The following CYP39A1 variants were observed in gnomAD, a reference collection of about 807,000 sequenced individuals.
The protein encoded by CYP39A1 is 24-hydroxycholesterol 7-alpha-hydroxylase.
CYP39A1 carries 49 observed loss-of-function variants against 58.1 expected under a neutral mutation model. The observed-to-expected ratio is 0.84, with a 90% CI of 0.67 to 1.07. The LOEUF (loss-of-function observed/expected upper bound fraction) is 1.07. CYP39A1 is among the 50% of genes least tolerant of loss of function. The pLI is 0.00. For missense variants in CYP39A1, 531 were observed against 539.4 expected (o/e 0.98, Z 0.16); for synonymous variants, 209 against 187.6 (o/e 1.11, Z -0.93).
chr6:46,550,032 ATT>A lies in CYP39A1; in HGVS notation c.*332_*333del. The A allele has an allele frequency of 5.3e-6, 1 of 187,132 alleles. No individual in the cohort carries two copies. The allele number at this position is 187,132 out of a possible 1,614,324, so 11.6% of individuals were successfully genotyped here. On this transcript the variant is annotated 3_prime_UTR_variant, in exon 12 of 12. Transcript: ENST00000275016. ...TTCACAGTGAATTTAATGTGATAAGATTTTCATTCAAATGACATTATTTCTAT... is the reference window on the plus strand; with the variant it reads ...TTCACAGTGAATTTAATGTGATAAGATTCATTCAAATGACATTATTTCTAT...
At chr6:46,590,147 A>G (rs1772743229) in intron 8 of CYP39A1, among the ~76,000 whole-genome samples, 1 of 152,186 alleles carries the variant, frequency 6.6e-6, no homozygotes, top group Non-Finnish European at 1.5e-5. Context: ...TACTTACATG[A>G]CAGATGAAGT....
intron 8 of CYP39A1, among the ~76,000 whole-genome samples, chr6:46,592,869 T>C (rs1177861852): frequency 6.6e-6 from 1 of 152,126 alleles, no homozygotes; most frequent in Non-Finnish European, 1.5e-5. Context: ...GGCAGGAGAA[T>C]TGCTTGAACC....
At chr6:46,628,566 G>A (rs1008954634) in intron 6 of CYP39A1, among the ~76,000 whole-genome samples, 4 of 152,186 alleles carry the variant, frequency 2.6e-5, no homozygotes, top group Admixed American at 6.5e-5. Context: ...GGGCCACAAT[G>A]GAGCCTCCTA....
At chr6:46,606,719 T>G (rs1010230182) in intron 7 of CYP39A1, among the ~76,000 whole-genome samples, 1 of 152,148 alleles carries the variant, frequency 6.6e-6, no homozygotes, top group Non-Finnish European at 1.5e-5. Context: ...CGTTCAGAAA[T>G]AGCAAAAAAA....
In CYP39A1 at chr6:46,652,427, A is replaced by G. The variant is rs779988624; in HGVS notation, c.156T>C (p.Phe52=). 1 of 1,612,860 alleles carries G rather than the reference A, an allele frequency of 6.2e-7. No individual in the cohort carries two copies. The highest frequency in any genetic ancestry group is 8.5e-7 in the Non-Finnish European group (1 of 1,179,550). The change falls in exon 1 of 12, where the codon TTT becomes TTC. Residue 52 remains phenylalanine (F), a synonymous_variant. Coordinates refer to ENST00000275016, the MANE Select transcript of CYP39A1 (RefSeq NM_016593.5). ...GFEFGKAPLE[F]IEKARIKYGP... Reference sequence around the variant, plus strand: ...ATACCTTGATTCTTGCTTTCTCTATAAATTCTAGAGGGGCTTTCCCAAACT... The same window carrying G: ...ATACCTTGATTCTTGCTTTCTCTATGAATTCTAGAGGGGCTTTCCCAAACT...
intron 11 of CYP39A1, among the ~76,000 whole-genome samples, 188 bp from the exon 12 acceptor site, chr6:46,550,625 A>G (rs1429588919): frequency 6.6e-6 from 1 of 152,236 alleles, no homozygotes; most frequent in Admixed American, 6.5e-5. Flanking sequence ...AGGCAGAAGA[A>G]AAAGAATACA....
At chr6:46,551,427 G>A (rs1345689162) in intron 11 of CYP39A1, among the ~76,000 whole-genome samples, 1 of 150,086 alleles carries the variant, frequency 6.7e-6, no homozygotes, top group African/African-American at 2.4e-5. Context: ...TAGCAAAAAT[G>A]TGCTTGCTTT....
At chr6:46,618,928 A>C (rs1774785557) in intron 7 of CYP39A1, among the ~76,000 whole-genome samples, 1 of 152,084 alleles carries the variant, frequency 6.6e-6, no homozygotes, top group Non-Finnish European at 1.5e-5. Context: ...TATCTGGCCC[A>C]GATAACCCAA....
intron 4 of CYP39A1, among the ~76,000 whole-genome samples, chr6:46,637,029 C>G (rs1275002307): frequency 6.6e-6 from 1 of 152,130 alleles, no homozygotes; most frequent in Non-Finnish European, 1.5e-5. Flanking sequence ...GAGGCTACAG[C>G]CCTCATGAAA....
intron 10 of CYP39A1, among the ~76,000 whole-genome samples, chr6:46,578,246 T>C (rs1771943705): frequency 6.6e-6 from 1 of 152,046 alleles, no homozygotes; most frequent in Admixed American, 6.6e-5. Context: ...ATATACAATA[T>C]ACCAGAATCT....
chr6:46,588,314 C>G (rs1475070653), intron 8 of CYP39A1, among the ~76,000 whole-genome samples, 185 bp from the exon 9 acceptor site: 1 of 149,230 alleles, frequency 6.7e-6, no homozygotes, highest in East Asian at 1.9e-4. Flanking sequence ...AATATAAAAT[C>G]TAATAATATA....
chr6:46,627,425 T>TA (rs201543911), intron 6 of CYP39A1, among the ~76,000 whole-genome samples: 3 of 123,154 alleles, frequency 2.4e-5, no homozygotes, highest in African/African-American at 9.2e-5. Flanking sequence ...TTTATTTATT[T>TA]TTTTTTTTTT....
intron 7 of CYP39A1, among the ~76,000 whole-genome samples, chr6:46,600,814 A>C (rs1773447361): frequency 6.6e-6 from 1 of 152,120 alleles, no homozygotes; most frequent in Non-Finnish European, 1.5e-5. Flanking sequence ...TTTGTAATGA[A>C]CCAGAAATAG....
chr6:46,596,200 T>C (rs1773148597), intron 7 of CYP39A1, 80 bp from the exon 8 acceptor site: 2 of 1,088,408 alleles, frequency 1.8e-6, no homozygotes, highest in East Asian at 5.2e-5. Flanking sequence ...CAGCAGAGGT[T>C]AGATGTTGCC....
At chr6:46,638,289 A>C (rs780970441) in intron 3 of CYP39A1, among the ~76,000 whole-genome samples, 1 of 152,252 alleles carries the variant, frequency 6.6e-6, no homozygotes, top group African/African-American at 2.4e-5. Context: ...TAATTTATTT[A>C]GCAAATAATA....
At chr6:46,652,360 G>A (rs372316473) in intron 1 of CYP39A1, 46 bp downstream of exon 1, 19 of 1,537,204 alleles carry the variant, frequency 1.2e-5, no homozygotes, top group African/African-American at 2.8e-5. Flanking sequence ...GTTTAAAAAA[G>A]AAAGCATTGT....
intron 7 of CYP39A1, among the ~76,000 whole-genome samples, chr6:46,599,505 G>A (rs1477341425): frequency 6.6e-6 from 1 of 152,102 alleles, no homozygotes; most frequent in East Asian, 1.9e-4. Context: ...TGGCGGTTTG[G>A]TAATGGATCC....
chr6:46,552,488 G>A (rs1034478577), intron 11 of CYP39A1, among the ~76,000 whole-genome samples: 1 of 152,058 alleles, frequency 6.6e-6, no homozygotes, highest in East Asian at 1.9e-4. Context: ...TGTCACTTAC[G>A]CACTTACATA....
intron 7 of CYP39A1, among the ~76,000 whole-genome samples, chr6:46,614,555 C>G (rs1285565963): frequency 6.6e-6 from 1 of 152,092 alleles, no homozygotes; most frequent in East Asian, 1.9e-4. Context: ...CTTCATCTTA[C>G]CCCTTATACC....
Sources: gnomAD v4.1 joint callset for allele counts (sites outside exome capture counted in the v4.1 genomes callset) on GRCh38, gnomAD v4.1.1 for gene constraint, MANE v1.5 for transcripts, NCBI Gene and HGNC (gene_info 2026-07-23, HGNC 2026-07-21) for gene names.